Variants in PTPA observed in about 807,000 individuals in gnomAD.
The protein encoded by PTPA is protein phosphatase 2 phosphatase activator.
In PTPA, 13 loss-of-function variants were observed where a neutral mutation model predicts 43.6. That is an observed-to-expected ratio of 0.30 (90% CI 0.19 to 0.47). PTPA has a LOEUF of 0.47. PTPA is among the 20% of genes least tolerant of loss of function. The probability of loss-of-function intolerance (pLI) is 0.99; values close to 1 mark genes in which losing one functional copy is unlikely to be tolerated. For missense variants in PTPA, 329 were observed against 411.9 expected, an observed-to-expected ratio of 0.80 and a Z score of 1.74; for synonymous variants, 172 against 158.2, an observed-to-expected ratio of 1.09 and a Z score of -0.66.
At chr9:129,113,910 C>A (rs1848705405) in intron 1 of PTPA, among the ~76,000 whole-genome samples, 1 of 152,116 alleles carries the variant, frequency 6.6e-6, no homozygotes, top group African/African-American at 2.4e-5. Flanking sequence ...AGAACCTGTG[C>A]CCTGAAAGAG....
intron 1 of PTPA, among the ~76,000 whole-genome samples, chr9:129,116,691 G>A (rs1257020352): frequency 2.0e-5 from 3 of 147,168 alleles, no homozygotes; most frequent in Non-Finnish European, 4.5e-5. Flanking sequence ...GGCCACACCC[G>A]GCTAATTTTT....
intron 6 of PTPA, among the ~76,000 whole-genome samples, chr9:129,135,115 C>A (rs1850274887): frequency 6.6e-6 from 1 of 152,212 alleles, no homozygotes; most frequent in Admixed American, 6.5e-5. Context: ...GTCACATAGG[C>A]CGGGCGCGGT....
chr9:129,113,858 T>C (rs1044304267), intron 1 of PTPA, among the ~76,000 whole-genome samples: 6 of 152,038 alleles, frequency 3.9e-5, no homozygotes, highest in African/African-American at 9.7e-5. Flanking sequence ...GTGAGATGAA[T>C]GTGTCCCTGA....
chr9:129,122,871 T>G (rs1231795504), intron 2 of PTPA, among the ~76,000 whole-genome samples, 181 bp from the exon 3 acceptor site: 1 of 152,174 alleles, frequency 6.6e-6, no homozygotes, highest in Non-Finnish European at 1.5e-5. Flanking sequence ...CCAGCTTTTC[T>G]GGAGGGTAGG....
chr9:129,145,018 G>GTT (rs1472444779), intron 9 of PTPA, among the ~76,000 whole-genome samples: 2 of 151,754 alleles, frequency 1.3e-5, no homozygotes, highest in Admixed American at 6.6e-5. Flanking sequence ...GGGCAACAGT[G>GTT]TGAGACTCCG....
chr9:129,142,828 G>A, intron 9 of PTPA: 1 of 1,533,356 alleles, frequency 6.5e-7, no homozygotes, highest in South Asian at 1.2e-5. Context: ...GCTGCATGGG[G>A]AGTGGGGGCG....
At chr9:129,116,840 ATTGT>A (rs1848912466) in intron 1 of PTPA, among the ~76,000 whole-genome samples, 2 of 150,072 alleles carry the variant, frequency 1.3e-5, no homozygotes, top group South Asian at 2.1e-4. Context: ...TAATTTTTAA[ATTGT>A]TTGTAGAGAT....
intron 9 of PTPA, among the ~76,000 whole-genome samples, chr9:129,145,933 G>A (rs1041246897): frequency 7.2e-5 from 11 of 152,114 alleles, no homozygotes; most frequent in African/African-American, 2.2e-4. Context: ...CTCCTGCCCT[G>A]GAGCCTTAGG....
chr9:129,128,970 A>G lies in PTPA; in HGVS notation c.217-15A>G, dbSNP rs376280514. On this transcript the variant is annotated splice_polypyrimidine_tract_variant and intron_variant, in intron 3 of 9. Coordinates refer to ENST00000393370, the MANE Select transcript of PTPA (RefSeq NM_178000.3). ...CTTGCTCTGTAGCTTGGACCCCTCT[A>G]TTTTGCCTCCACAGGCCATTGAGAA... is the stretch of plus-strand genomic sequence containing the variant. 1.2e-5 allele frequency: 19 copies of G among 1,612,816 alleles called. No homozygotes were observed. The highest frequency in any genetic ancestry group is 1.6e-5 in the Non-Finnish European group (19 of 1,179,730).
intron 3 of PTPA, among the ~76,000 whole-genome samples, chr9:129,127,684 C>T (rs1849670007): frequency 6.6e-6 from 1 of 152,150 alleles, no homozygotes. Context: ...CCTCTGACTC[C>T]GATTCTACTT....
chr9:129,144,257 C>A (rs910237163), intron 9 of PTPA, among the ~76,000 whole-genome samples: 1 of 151,776 alleles, frequency 6.6e-6, no homozygotes, highest in Non-Finnish European at 1.5e-5. Flanking sequence ...CACAGGCTGT[C>A]GGGGTCTCCG....
chr9:129,114,269 C>G (rs531529120), intron 1 of PTPA, among the ~76,000 whole-genome samples: 1 of 152,302 alleles, frequency 6.6e-6, no homozygotes, highest in African/African-American at 2.4e-5. Context: ...GTAATTCACC[C>G]GCCTTGGCCA....
At chr9:129,125,800 A>G (rs903276098) in intron 3 of PTPA, among the ~76,000 whole-genome samples, 2 of 152,176 alleles carry the variant, frequency 1.3e-5, no homozygotes, top group African/African-American at 4.8e-5. Flanking sequence ...GTTATTAGCT[A>G]TTGTTACCAT....
chr9:129,127,474 A>T (rs1258704435), intron 3 of PTPA, among the ~76,000 whole-genome samples: 4 of 152,194 alleles, frequency 2.6e-5, no homozygotes, highest in Non-Finnish European at 5.9e-5. Context: ...CACAGGCAAG[A>T]TCCACTTCCT....
intron 4 of PTPA, 70 bp downstream of exon 4, chr9:129,129,180 G>C: frequency 6.3e-7 from 1 of 1,587,574 alleles, no homozygotes; most frequent in Non-Finnish European, 8.6e-7. Flanking sequence ...AGTTGGGGAA[G>C]GGCCTGCATT....
intron 2 of PTPA, among the ~76,000 whole-genome samples, chr9:129,121,566 G>A (rs1055574092): frequency 2.3e-4 from 35 of 152,198 alleles, no homozygotes; most frequent in African/African-American, 8.0e-4. Flanking sequence ...GCATCTCAAT[G>A]TCAGCACTAT....
intron 8 of PTPA, chr9:129,142,057 C>T (rs10988226): frequency 0.022 from 3,860 of 174,470 alleles, 139 homozygotes; most frequent in Admixed American, 0.1. Context: ...CCTGGGGAGT[C>T]GGTGGGAACG....
intron 1 of PTPA, among the ~76,000 whole-genome samples, chr9:129,112,656 T>C (rs1045946345): frequency 1.1e-4 from 16 of 152,170 alleles, no homozygotes; most frequent in African/African-American, 3.6e-4. Context: ...AACAAGGATG[T>C]CCAGGCCAGG....
chr9:129,127,720 GGT>G (rs2131578553), intron 3 of PTPA, among the ~76,000 whole-genome samples: 1 of 152,308 alleles, frequency 6.6e-6, no homozygotes, highest in African/African-American at 2.4e-5. Context: ...CTGTGGGAAA[GGT>G]GTAGGGGGAT....
Sources: gnomAD v4.1 joint callset for allele counts (sites outside exome capture counted in the v4.1 genomes callset) on GRCh38, gnomAD v4.1.1 for gene constraint, MANE v1.5 for transcripts, NCBI Gene and HGNC (gene_info 2026-07-23, HGNC 2026-07-21) for gene names.